Variants in CACHD1 observed in about 807,000 individuals in gnomAD.
CACHD1 encodes cache domain containing 1.
CACHD1 carries 71 observed loss-of-function variants against 138.7 expected under a neutral mutation model. That is an observed-to-expected ratio of 0.51 (90% confidence interval 0.42 to 0.62). The LOEUF (loss-of-function observed/expected upper bound fraction) is 0.62. Ranked by LOEUF, CACHD1 falls within the 20% of genes least tolerant of loss-of-function variation. CACHD1 has a pLI of 0.00. For synonymous variants in CACHD1, 578 were observed against 591.5 expected, an observed-to-expected ratio of 0.98 and a Z score of 0.33; for missense variants, 1,389 against 1,625.3, an observed-to-expected ratio of 0.85 and a Z score of 2.50.
chr1:64,664,452 A>C (rs777574935), intron 14 of CACHD1, 46 bp from the exon 15 acceptor site: 4 of 1,577,664 alleles, frequency 2.5e-6, no homozygotes, highest in Non-Finnish European at 3.5e-6. Flanking sequence ...CTCTCTTTTC[A>C]TGTGAGTTTT....
intron 1 of CACHD1, among the ~76,000 whole-genome samples, chr1:64,485,965 G>T (rs1646239472): frequency 6.6e-6 from 1 of 152,132 alleles, no homozygotes; most frequent in African/African-American, 2.4e-5. Context: ...GGCTATATTA[G>T]TTTGTATTCC....
chr1:64,609,753 A>G (rs114354704), intron 4 of CACHD1, among the ~76,000 whole-genome samples: 1,940 of 145,000 alleles, frequency 0.013, 38 homozygotes, highest in African/African-American at 0.05. Flanking sequence ...TAACTTAGCA[A>G]ATGTATCCTG....
In CACHD1 at chr1:64,679,720, C is replaced by G. The variant is rs1424195462; in HGVS notation, c.3370C>G (p.Arg1124Gly). ...TGCCTACCGCCACCAGATTCATCGCCGGAGCCATCAGCATATGTCTCCTCT... is the reference window on the plus strand; with the variant it reads ...TGCCTACCGCCACCAGATTCATCGCGGGAGCCATCAGCATATGTCTCCTCT... ...VYAYRHQIHR[R>G]SHQHMSPLAA... The change falls in exon 24 of 27, where the codon CGG becomes GGG. Residue 1124 changes from arginine to glycine, a missense_variant. Physicochemically the swap from Arg to Gly is moderately radical, Grantham distance 125. Transcript: ENST00000651257. The G allele has an allele frequency of 1.9e-6, 3 of 1,614,092 alleles. No homozygotes were observed. Among genetic ancestry groups the G allele is most frequent in the Non-Finnish European group, 2.5e-6 (3 of 1,180,024 alleles).
intron 1 of CACHD1, among the ~76,000 whole-genome samples, chr1:64,473,745 T>A (rs965155785): frequency 2.6e-5 from 4 of 152,208 alleles, no homozygotes; most frequent in Non-Finnish European, 5.9e-5. Flanking sequence ...AAAAAGCCAA[T>A]GTTCAGACTT....
intron 4 of CACHD1, among the ~76,000 whole-genome samples, chr1:64,619,600 T>C (rs1436725440): frequency 6.6e-6 from 1 of 152,194 alleles, no homozygotes; most frequent in Non-Finnish European, 1.5e-5. Flanking sequence ...CATCTTGGAA[T>C]GGTGGTAGGC....
In CACHD1 at chr1:64,675,412, G is replaced by A. The variant is rs1202602620; in HGVS notation, c.2739G>A (p.Thr913=). ...TGATTGTTCTGTAGGGGGATTTGAC[G>A]AACCTTGTGCATGGCAGCCACTGTT... ...KFNTSLAGDL[T]NLVHGSHCSK... The change falls in exon 20 of 27, where the codon ACG becomes ACA. Residue 913 remains threonine (T), a synonymous_variant. Transcript: ENST00000651257. The A allele has an allele frequency of 8.2e-6, 13 of 1,592,798 alleles. No homozygotes were observed. The highest frequency in any genetic ancestry group is 4.0e-5 in the African/African-American group (3 of 74,678).
chr1:64,594,085 C>T (rs1342880556), intron 3 of CACHD1, among the ~76,000 whole-genome samples: 1 of 152,016 alleles, frequency 6.6e-6, no homozygotes, highest in Non-Finnish European at 1.5e-5. Context: ...GAAACCCCAT[C>T]TCTACAAAAA....
intron 10 of CACHD1, 112 bp downstream of exon 10, chr1:64,652,422 T>C: frequency 1.1e-6 from 1 of 923,156 alleles, no homozygotes. Flanking sequence ...AAGAGCATTG[T>C]GACTAAGATT....
intron 1 of CACHD1, among the ~76,000 whole-genome samples, chr1:64,519,637 C>T (rs1036432738): frequency 2.1e-5 from 3 of 144,754 alleles, no homozygotes; most frequent in Non-Finnish European, 4.7e-5. Flanking sequence ...AGTTCTAGTT[C>T]ACCAGAGTTA....
chr1:64,657,326 T>G (rs534230382), intron 12 of CACHD1, among the ~76,000 whole-genome samples: 2 of 152,350 alleles, frequency 1.3e-5, no homozygotes, highest in East Asian at 1.9e-4. Context: ...TATTGAAATC[T>G]GCTTTCCTAA....
chr1:64,676,047 T>G, intron 21 of CACHD1, 64 bp downstream of exon 21: 45 of 514,170 alleles, frequency 8.8e-5, no homozygotes, highest in Non-Finnish European at 1.2e-4. Context: ...AATACATATG[T>G]AATACTGTGA....
chr1:64,600,308 GTA>G (rs1647200110), intron 3 of CACHD1, among the ~76,000 whole-genome samples: 1 of 152,168 alleles, frequency 6.6e-6, no homozygotes, highest in African/African-American at 2.4e-5. Context: ...GGATTGGAGG[GTA>G]CTTCTCATTC....
intron 7 of CACHD1, among the ~76,000 whole-genome samples, chr1:64,640,741 T>TTATATATATATATA (rs67605354): frequency 1.3e-5 from 2 of 149,406 alleles, no homozygotes; most frequent in African/African-American, 5.0e-5. Context: ...ACTCTCAACA[T>TTATATATATATATA]TATATATATA....
At position 64,687,226 on chromosome 1, in the gene CACHD1, T is replaced by G. The variant is rs543862467; in HGVS notation, c.3587-4097T>G. Among the ~76,000 whole-genome samples, 3 of 152,346 alleles carry G rather than the reference T, an allele frequency of 2.0e-5. No homozygotes were observed. The South Asian group carries it at 6.2e-4, about 32-fold the overall frequency. On this transcript the variant is annotated intron_variant, in intron 26 of 26. Coordinates refer to ENST00000651257, the MANE Select transcript of CACHD1 (RefSeq NM_020925.4). ...CATGAGTCAGGGACTATGTCTGTCT[T>G]AATTCATCACCCTTCCCAGTGCTCA...
chr1:64,576,884 G>A (rs1646972174), intron 2 of CACHD1, among the ~76,000 whole-genome samples: 1 of 149,730 alleles, frequency 6.7e-6, no homozygotes, highest in Non-Finnish European at 1.5e-5. Context: ...GGTAATATTA[G>A]GTTTTGGTGG....
At chr1:64,540,746 A>G (rs1646671262) in intron 1 of CACHD1, among the ~76,000 whole-genome samples, 1 of 152,196 alleles carries the variant, frequency 6.6e-6, no homozygotes, top group African/African-American at 2.4e-5. Context: ...TCCCTGCTAA[A>G]TCAGAGTGCA....
At chr1:64,544,250 G>C (rs898212962) in intron 1 of CACHD1, among the ~76,000 whole-genome samples, 5 of 152,106 alleles carry the variant, frequency 3.3e-5, no homozygotes, top group African/African-American at 1.2e-4. Flanking sequence ...ATATCAGGGA[G>C]GGAGACCCAG....
chr1:64,606,270 G>A (rs964115825), intron 4 of CACHD1, among the ~76,000 whole-genome samples: 1 of 152,178 alleles, frequency 6.6e-6, no homozygotes, highest in African/African-American at 2.4e-5. Flanking sequence ...TGGCTGTCGG[G>A]GGGAGGAGCA....
chr1:64,529,387 G>A (rs1646564327), intron 1 of CACHD1, among the ~76,000 whole-genome samples: 1 of 152,032 alleles, frequency 6.6e-6, no homozygotes, highest in Non-Finnish European at 1.5e-5. Flanking sequence ...AACCTCTTTG[G>A]CATGTTTATT....
Sources: gnomAD v4.1 joint callset for allele counts (sites outside exome capture counted in the v4.1 genomes callset) on GRCh38, gnomAD v4.1.1 for gene constraint, MANE v1.5 for transcripts, NCBI Gene and HGNC (gene_info 2026-07-23, HGNC 2026-07-21) for gene names.